Variants in HSD17B4 observed in about 807,000 individuals in gnomAD.
HSD17B4 encodes peroxisomal multifunctional enzyme type 2.
Under a neutral mutation model 101.0 loss-of-function variants are expected in HSD17B4, and 70 were observed. That is an observed-to-expected ratio of 0.69 (90% CI 0.57 to 0.85). The LOEUF (loss-of-function observed/expected upper bound fraction) is 0.85. Among genes scored for constraint, HSD17B4 ranks in the 40% least tolerant of loss-of-function variants. The probability of loss-of-function intolerance (pLI) is 0.00; values close to 1 mark genes in which losing one functional copy is unlikely to be tolerated. For missense variants in HSD17B4, 984 were observed against 892.4 expected, an observed-to-expected ratio of 1.10 and a Z score of -1.31; for synonymous variants, 347 against 297.1, an observed-to-expected ratio of 1.17 and a Z score of -1.73.
chr5:119,477,277 C>T (rs1748673008), intron 6 of HSD17B4, 140 bp from the exon 7 acceptor site: 6 of 642,116 alleles, frequency 9.3e-6, no homozygotes, highest in South Asian at 3.7e-5. Flanking sequence ...GCAAAATACT[C>T]ATTGGGGTGT....
At chr5:119,516,909 A>G (rs10045066) in intron 17 of HSD17B4, among the ~76,000 whole-genome samples, 7,194 of 152,300 alleles carry the variant, frequency 0.047, 605 homozygotes, top group East Asian at 0.42. Flanking sequence ...TTATTAGGGA[A>G]TGACATGTAG....
chr5:119,463,558 C>T (rs1300233664), intron 2 of HSD17B4, among the ~76,000 whole-genome samples: 1 of 129,900 alleles, frequency 7.7e-6, no homozygotes, highest in Admixed American at 8.3e-5. Flanking sequence ...AGTAGCCATT[C>T]TAACTTGAAA....
chr5:119,474,254 A>G, intron 3 of HSD17B4, 147 bp from the exon 4 acceptor site: 1 of 723,448 alleles, frequency 1.4e-6, no homozygotes, highest in Non-Finnish European at 2.6e-6. Context: ...AGCACATGAT[A>G]TAATTAGTAA....
At position 119,474,383 on chromosome 5, in the gene HSD17B4, A is replaced by G. The variant is rs1475465590; in HGVS notation, c.221-18A>G. 1 of 1,585,746 alleles carries G rather than the reference A, an allele frequency of 6.3e-7. No individual in the cohort carries two copies. Among genetic ancestry groups the G allele is most frequent in the Non-Finnish European group, 8.7e-7 (1 of 1,154,384 alleles). On this transcript the variant is annotated intron_variant, in intron 3 of 23. Transcript: ENST00000510025. ...AGGGAGGTTGCCGAAATTTCATACA[A>G]ATTTTCCTTTCCCTCAGATTCAGTG...
At chr5:119,518,323 A>G (rs1314887865) in intron 17 of HSD17B4, among the ~76,000 whole-genome samples, 4 of 151,972 alleles carry the variant, frequency 2.6e-5, no homozygotes, top group Non-Finnish European at 5.9e-5. Context: ...CCACGAACCC[A>G]CCAGAAGGAA....
chr5:119,477,609 G>A (rs968395286), intron 7 of HSD17B4, 108 bp downstream of exon 7: 4 of 824,022 alleles, frequency 4.9e-6, no homozygotes, highest in Non-Finnish European at 8.6e-6. Context: ...ATGACATTGA[G>A]GAATATGTAC....
intron 2 of HSD17B4, among the ~76,000 whole-genome samples, chr5:119,469,010 CT>C (rs1756089224): frequency 6.6e-6 from 1 of 150,716 alleles, no homozygotes; most frequent in Non-Finnish European, 1.5e-5. Context: ...GGAGGCATAT[CT>C]TACACGAGTG....
chr5:119,509,516 A>G (rs767393171), intron 16 of HSD17B4: 62 of 544,048 alleles, frequency 1.1e-4, no homozygotes, highest in South Asian at 3.9e-4. Context: ...TTCATTTTTT[A>G]TGTTTTTCAT....
intron 15 of HSD17B4, among the ~76,000 whole-genome samples, chr5:119,507,888 A>G (rs10069657): frequency 0.067 from 10,138 of 152,094 alleles, 920 homozygotes; most frequent in East Asian, 0.42. Flanking sequence ...AAAAAAGTAG[A>G]TATTTGTTGT....
At chr5:119,467,265 T>C (rs2126656285) in intron 2 of HSD17B4, among the ~76,000 whole-genome samples, 1 of 152,350 alleles carries the variant, frequency 6.6e-6, no homozygotes, top group East Asian at 1.9e-4. Flanking sequence ...TAACTTCTAT[T>C]AGGACCATTT....
At chr5:119,474,628 G>A (rs1176679534) in intron 4 of HSD17B4, among the ~76,000 whole-genome samples, 168 bp downstream of exon 4, 1 of 152,084 alleles carries the variant, frequency 6.6e-6, no homozygotes, top group Admixed American at 6.5e-5. Flanking sequence ...GGGTTTAATT[G>A]AGGTGGCAAT....
At chr5:119,513,678 T>C (rs2126829893) in intron 16 of HSD17B4, among the ~76,000 whole-genome samples, 1 of 152,294 alleles carries the variant, frequency 6.6e-6, no homozygotes, top group African/African-American at 2.4e-5. Context: ...AATAATGAAT[T>C]ACTGTAGACC....
chr5:119,525,726 C>CTTTTT, intron 18 of HSD17B4, 191 bp from the exon 19 acceptor site: 1 of 347,708 alleles, frequency 2.9e-6, no homozygotes, highest in Non-Finnish European at 5.1e-6. Context: ...TTTTTTTTTT[C>CTTTTT]TTTCTTTCTT....
intron 7 of HSD17B4, 125 bp from the exon 8 acceptor site, chr5:119,478,709 G>T (rs545729272): frequency 1.9e-5 from 13 of 672,112 alleles, no homozygotes; most frequent in Non-Finnish European, 2.6e-5. Context: ...AATCATGATC[G>T]TAAGAAGCTA....
rs200890190 is a variant in HSD17B4 at position 119,479,069 on chromosome 5, T to C, written c.622+48T>C. 16 of 1,349,674 alleles carry C rather than the reference T, an allele frequency of 1.2e-5. No homozygotes were observed. In the East Asian group the frequency reaches 3.2e-4, roughly 27 times the overall value. 83.6% of individuals were successfully genotyped at this position (1,349,674 alleles called of 1,614,324 possible). ...TTCAGTGCTGTTACTTACAAACCTATGTGGAATGAGCTTTACAAAAGTATT... is the reference window on the plus strand; with the variant it reads ...TTCAGTGCTGTTACTTACAAACCTACGTGGAATGAGCTTTACAAAAGTATT... On this transcript the variant is annotated intron_variant, in intron 8 of 23. Transcript: ENST00000510025.
rs1287230361 is a variant in HSD17B4 at position 119,456,178 on chromosome 5, G to C, written c.59-137G>C. ...GAGAGTGGATAGGTTGAGAATGTCA[G>C]TGATAGGATAGGTTGAGAGTATCAT... On this transcript the variant is annotated intron_variant, in intron 1 of 23. Transcript: ENST00000510025. The C allele has an allele frequency of 5.6e-6, 4 of 717,486 alleles. No individual in the cohort carries two copies. In the East Asian group the frequency reaches 1.1e-4, roughly 19 times the overall value. The allele number at this position is 717,486 out of a possible 1,614,324, so 44.4% of individuals were successfully genotyped here.
At position 119,477,641 on chromosome 5, in the gene HSD17B4, G is replaced by A; in HGVS notation, c.434+140G>A. The A allele has an allele frequency of 4.2e-6, 3 of 716,840 alleles. No individual in the cohort carries two copies. In the South Asian group the frequency reaches 4.6e-5, roughly 11 times the overall value. 44.4% of individuals were successfully genotyped at this position (716,840 alleles called of 1,614,324 possible). A position where few individuals can be genotyped will look rare whatever the true frequency, so the allele number is the denominator to read the frequency against. On this transcript the variant is annotated intron_variant, in intron 7 of 23. Coordinates refer to ENST00000510025, the MANE Select transcript of HSD17B4 (RefSeq NM_000414.4). ...GTACAACCTTTTAACATATGGTTTT[G>A]GCACATACCCTCATTAAATTGGTAT... is the stretch of plus-strand genomic sequence containing the variant.
chr5:119,508,573 T>C (rs1027385135), intron 15 of HSD17B4, among the ~76,000 whole-genome samples: 13 of 152,358 alleles, frequency 8.5e-5, no homozygotes, highest in Admixed American at 3.3e-4. Context: ...TGCTCACTTA[T>C]TTGCTAACTT....
rs906652588 is a variant in HSD17B4 at position 119,474,006 on chromosome 5, G to A, written c.211G>A (p.Ala71Thr). The change falls in exon 3 of 24, where the codon GCC becomes ACC. Residue 71 changes from alanine (A) to threonine (T), a missense_variant. Coordinates refer to ENST00000510025, the MANE Select transcript of HSD17B4 (RefSeq NM_000414.4). ...EIRRRGGKAV[A>T]NYDSVEEGEK... The stretch of plus-strand genomic sequence containing the variant: ...AAGAAGGAGAGGTGGAAAAGCAGTG[G>A]CCAACTATGGTATGGTATTTGAGAG... The A allele has an allele frequency of 1.3e-6, 2 of 1,545,036 alleles. No homozygotes were observed. Among genetic ancestry groups the A allele is most frequent in the South Asian group, 1.1e-5 (1 of 89,296 alleles).
Sources: gnomAD v4.1 joint callset for allele counts (sites outside exome capture counted in the v4.1 genomes callset) on GRCh38, gnomAD v4.1.1 for gene constraint, MANE v1.5 for transcripts, NCBI Gene and HGNC (gene_info 2026-07-23, HGNC 2026-07-21) for gene names.